The following LAYN variants were observed in gnomAD, a reference collection of about 807,000 sequenced individuals.
The protein encoded by LAYN is layilin.
LAYN carries 38 observed loss-of-function variants against 43.6 expected under a neutral mutation model. That is an observed-to-expected ratio of 0.87 (90% CI 0.67 to 1.14). The LOEUF is 1.14. Among genes scored for constraint, LAYN ranks in the 50% most tolerant of loss-of-function variants. LAYN has a pLI of 0.00. For missense variants in LAYN, 479 were observed against 463.8 expected, an observed-to-expected ratio of 1.03 and a Z score of -0.30; for synonymous variants, 168 against 172.9, an observed-to-expected ratio of 0.97 and a Z score of 0.22.
intron 2 of LAYN, among the ~76,000 whole-genome samples, chr11:111,548,807 G>T (rs1867689511): frequency 6.6e-6 from 1 of 152,178 alleles, no homozygotes; most frequent in African/African-American, 2.4e-5. Context: ...AGGTTACAAA[G>T]CCCAGCCCTG....
At chr11:111,556,276 A>G (rs1264390267) in intron 5 of LAYN, among the ~76,000 whole-genome samples, 1 of 152,238 alleles carries the variant, frequency 6.6e-6, no homozygotes, top group East Asian at 1.9e-4. Flanking sequence ...CCATGGAATC[A>G]GGATGCATTA....
chr11:111,554,628 G>T (rs772595579), intron 4 of LAYN, 35 bp downstream of exon 4: 1 of 1,584,242 alleles, frequency 6.3e-7, no homozygotes, highest in Non-Finnish European at 8.7e-7. Flanking sequence ...GTTAACTGGG[G>T]CTGTTTCATA....
Position 111,561,195 on chromosome 11 carries a change from AC to A in LAYN, c.*738del, listed in dbSNP as rs1468835865. The stretch of plus-strand genomic sequence containing the variant: ...GGCAAAATAGTGAGACTCTGACTCT[AC>A]AAAAAATTTAAAAATTAGCAGGGCA... On this transcript the variant is annotated 3_prime_UTR_variant, in exon 7 of 7. Transcript: ENST00000375614. 1 of 152,342 alleles carries A rather than the reference AC, an allele frequency of 6.6e-6. No individual in the cohort carries two copies. Among genetic ancestry groups the A allele is most frequent in the Non-Finnish European group, 1.5e-5 (1 of 68,068 alleles). 9.4% of individuals were successfully genotyped at this position (152,342 alleles called of 1,614,324 possible). A position where few individuals can be genotyped will look rare whatever the true frequency, so the allele number is the denominator to read the frequency against.
chr11:111,550,320 C>T (rs1016335886), intron 3 of LAYN, among the ~76,000 whole-genome samples: 1 of 152,228 alleles, frequency 6.6e-6, no homozygotes, highest in African/African-American at 2.4e-5. Flanking sequence ...CTTGCAAATT[C>T]AACTTACGTT....
chr11:111,558,678 T>C (rs1274197741), intron 6 of LAYN, among the ~76,000 whole-genome samples: 1 of 151,890 alleles, frequency 6.6e-6, no homozygotes, highest in Non-Finnish European at 1.5e-5. Context: ...GGTGTCTGTC[T>C]ATCCCAAGGG....
rs760225716 is a variant in LAYN, at chr11:111,549,681, A to G, written c.447A>G (p.Pro149=). Residue 149 remains proline, a synonymous_variant, in exon 3 of 7, where the codon CCA becomes CCG. Coordinates refer to ENST00000375614, the MANE Select transcript of LAYN (RefSeq NM_178834.5). ...SEVCVVMYHQ[P]SAPAGIGGPY... is the part of the protein sequence containing the mutation. Reference sequence around the variant, plus strand: ...TCTGCGTGGTCATGTACCATCAGCCATCGGCACCCGCTGGCATCGGAGGCC... The same window carrying G: ...TCTGCGTGGTCATGTACCATCAGCCGTCGGCACCCGCTGGCATCGGAGGCC... The G allele has an allele frequency of 1.9e-6, 3 of 1,603,608 alleles. No individual in the cohort carries two copies. The highest frequency in any genetic ancestry group is 4.6e-5 in the East Asian group (2 of 43,936).
rs139522285 is a variant in LAYN at position 111,557,300 on chromosome 11, C to T, written c.659-241C>T. On this transcript the variant is annotated intron_variant, in intron 5 of 6. Transcript: ENST00000375614. ...GGACAGGTAGAAAATGCTCATCCAT[C>T]GAAACCAGAAGACTCTTTGCTAACT... Among the ~76,000 whole-genome samples the T allele has an allele frequency of 2.0e-4, 31 of 152,294 alleles. No individual in the cohort carries two copies. In the East Asian group the frequency reaches 2.5e-3, roughly 12 times the overall value.
intron 6 of LAYN, 120 bp from the exon 7 acceptor site, chr11:111,559,975 A>G: frequency 2.5e-6 from 3 of 1,183,760 alleles, no homozygotes; most frequent in Non-Finnish European, 3.5e-6. Flanking sequence ...TAAGTTACAT[A>G]GACGAGACAT....
chr11:111,557,348 C>T (rs888341629), intron 5 of LAYN, among the ~76,000 whole-genome samples, 193 bp from the exon 6 acceptor site: 6 of 152,204 alleles, frequency 3.9e-5, no homozygotes, highest in Non-Finnish European at 8.8e-5. Flanking sequence ...CTTGATCACT[C>T]AGGAATGAGC....
At chr11:111,555,393 A>C in intron 5 of LAYN, 103 bp downstream of exon 5, 1 of 789,480 alleles carries the variant, frequency 1.3e-6, no homozygotes, top group Admixed American at 2.3e-5. Flanking sequence ...CAGCTACCTA[A>C]AAATAGAACT....
At chr11:111,558,198 C>CTATTTTATTT (rs561660354) in intron 6 of LAYN, among the ~76,000 whole-genome samples, 2 of 152,150 alleles carry the variant, frequency 1.3e-5, no homozygotes. Flanking sequence ...TCGTGTGCCA[C>CTATTTTATTT]TATTTTATTT....
At chr11:111,547,310 A>G (rs1030816996) in intron 2 of LAYN, among the ~76,000 whole-genome samples, 1 of 152,230 alleles carries the variant, frequency 6.6e-6, no homozygotes, top group Middle Eastern at 3.2e-3. Context: ...TCTGGAGTAC[A>G]TAAGTCTTAC....
At position 111,558,725 on chromosome 11, in the gene LAYN, A is replaced by T. The variant is rs111490494; in HGVS notation, c.761+1082A>T. 7.7e-3 allele frequency among the ~76,000 whole-genome samples: 1,168 copies of T among 150,920 alleles called. 13 individuals carry two copies. Among genetic ancestry groups the T allele is most frequent in the African/African-American group, 0.027 (1,095 of 41,236 alleles). ...TTTTGTGCCCTGCAGCAGTCTGGTGAGGCCTATGGACTCCTTCCAGAACAA... is the reference window on the plus strand; with the variant it reads ...TTTTGTGCCCTGCAGCAGTCTGGTGTGGCCTATGGACTCCTTCCAGAACAA... On this transcript the variant is annotated intron_variant, in intron 6 of 6. Coordinates refer to ENST00000375614, the MANE Select transcript of LAYN (RefSeq NM_178834.5).
At chr11:111,548,813 C>A (rs1220883017) in intron 2 of LAYN, among the ~76,000 whole-genome samples, 1 of 152,170 alleles carries the variant, frequency 6.6e-6, no homozygotes, top group East Asian at 1.9e-4. Flanking sequence ...CAAAGCCCAG[C>A]CCTGAGTCAG....
intron 1 of LAYN, among the ~76,000 whole-genome samples, chr11:111,543,259 G>T (rs1867580505): frequency 6.6e-6 from 1 of 152,178 alleles, no homozygotes; most frequent in Non-Finnish European, 1.5e-5. Context: ...TCTGCATCAG[G>T]GGACTATTAT....
At position 111,554,565 on chromosome 11, in the gene LAYN, A is replaced by G; in HGVS notation, c.546A>G (p.Lys182=). 1 of 1,612,706 alleles carries G rather than the reference A, an allele frequency of 6.2e-7. No individual in the cohort carries two copies. Among genetic ancestry groups the G allele is most frequent in the Non-Finnish European group, 8.5e-7 (1 of 1,179,474 alleles). ...TTTTGTTTCTTTCTACTACAGAGAA[A>G]CCAGCAGTTCCTTCTAGAGAAGCTG... ...NNFICKYSDE[K]PAVPSREAEG... The change falls in exon 4 of 7, where the codon AAA becomes AAG. Residue 182 remains lysine, a synonymous_variant. Coordinates refer to ENST00000375614, the MANE Select transcript of LAYN (RefSeq NM_178834.5).
chr11:111,553,635 AC>A (rs1196877270), intron 3 of LAYN, among the ~76,000 whole-genome samples: 4 of 150,564 alleles, frequency 2.7e-5, no homozygotes, highest in Admixed American at 1.3e-4. Flanking sequence ...AAAAAAAAAA[AC>A]AACACTTAGA....
At chr11:111,545,724 C>G (rs965756597) in intron 2 of LAYN, among the ~76,000 whole-genome samples, 1 of 152,188 alleles carries the variant, frequency 6.6e-6, no homozygotes, top group Non-Finnish European at 1.5e-5. Flanking sequence ...GTTGCAGAGA[C>G]AAGAAGCACA....
At chr11:111,543,797 A>AT in intron 1 of LAYN, 126 bp from the exon 2 acceptor site, 1 of 744,408 alleles carries the variant, frequency 1.3e-6, no homozygotes, top group South Asian at 1.9e-5. Context: ...AACTGACATG[A>AT]TAACAGTCTA....
Sources: gnomAD v4.1 joint callset for allele counts (sites outside exome capture counted in the v4.1 genomes callset) on GRCh38, gnomAD v4.1.1 for gene constraint, MANE v1.5 for transcripts, NCBI Gene and HGNC (gene_info 2026-07-23, HGNC 2026-07-21) for gene names.